Variants in FGD5 observed in about 807,000 individuals in gnomAD.
FGD5 encodes the protein FYVE, RhoGEF and PH domain-containing protein 5.
In FGD5, 28 loss-of-function variants were observed where a neutral mutation model predicts 133.4. The ratio of observed to expected loss-of-function variants is 0.21; its 90% CI spans 0.16 to 0.29. The LOEUF (loss-of-function observed/expected upper bound fraction) is 0.29, where lower values mean the gene tolerates loss of function less well. Ranked by LOEUF, FGD5 falls within the 10% of genes least tolerant of loss-of-function variation. FGD5 has a pLI of 1.00. For missense variants in FGD5, 1,858 were observed against 1,895.2 expected (o/e 0.98, Z 0.36); for synonymous variants, 810 against 776.5 (o/e 1.04, Z -0.72).
At chr3:14,894,505 CTTTTT>C (rs55912541) in intron 4 of FGD5, among the ~76,000 whole-genome samples, 1 of 127,220 alleles carries the variant, frequency 7.9e-6, no homozygotes, top group Non-Finnish European at 1.7e-5. Flanking sequence ...TTTGTTAGTT[CTTTTT>C]TTTTTTTTTT....
chr3:14,849,026 A>G (rs1162841859), intron 1 of FGD5, among the ~76,000 whole-genome samples: 1 of 152,210 alleles, frequency 6.6e-6, no homozygotes, highest in Non-Finnish European at 1.5e-5. Context: ...TGTTTGGAGT[A>G]GAGGAGGCAG....
chr3:14,896,205 T>C (rs2038134981), intron 4 of FGD5, among the ~76,000 whole-genome samples: 1 of 152,100 alleles, frequency 6.6e-6, no homozygotes, highest in Non-Finnish European at 1.5e-5. Flanking sequence ...AAAATGACAA[T>C]ACTACCCAAG....
At chr3:14,893,958 A>G (rs1300742213) in intron 4 of FGD5, among the ~76,000 whole-genome samples, 2 of 151,532 alleles carry the variant, frequency 1.3e-5, no homozygotes, top group Non-Finnish European at 2.9e-5. Context: ...GGGTTTCACC[A>G]TGTTGGTCTG....
chr3:14,918,922 A>G, intron 13 of FGD5, 89 bp downstream of exon 13: 1 of 1,403,104 alleles, frequency 7.1e-7, no homozygotes, highest in South Asian at 1.2e-5. Flanking sequence ...TGCTGTTTTT[A>G]TTTTGGTATC....
chr3:14,885,566 T>C (rs906904856), intron 4 of FGD5, among the ~76,000 whole-genome samples: 3 of 152,198 alleles, frequency 2.0e-5, no homozygotes, highest in African/African-American at 7.2e-5. Context: ...ATCAGGTGGT[T>C]GAGGCTGGCT....
chr3:14,873,515 G>A (rs575136141), intron 2 of FGD5, among the ~76,000 whole-genome samples: 1 of 152,242 alleles, frequency 6.6e-6, no homozygotes, highest in South Asian at 2.1e-4. Context: ...TGAAGTCATG[G>A]CTGGACCTTT....
intron 2 of FGD5, among the ~76,000 whole-genome samples, chr3:14,876,869 T>C (rs2037729469): frequency 6.6e-6 from 1 of 152,198 alleles, no homozygotes; most frequent in Non-Finnish European, 1.5e-5. Flanking sequence ...GATTCTTGAC[T>C]CTTTGTGTGA....
intron 7 of FGD5, 23 bp from the exon 8 acceptor site, chr3:14,900,380 C>T (rs1333052968): frequency 3.7e-6 from 6 of 1,611,598 alleles, no homozygotes; most frequent in Middle Eastern, 1.6e-4. Context: ...GTAGCTGACT[C>T]CTGGTTCTTA....
intron 7 of FGD5, 70 bp downstream of exon 7, chr3:14,898,896 G>A: frequency 7.2e-7 from 1 of 1,396,412 alleles, no homozygotes; most frequent in Non-Finnish European, 9.9e-7. Context: ...AGGGGTGGAG[G>A]GGACTGTGGT....
At chr3:14,900,128 T>C (rs1430024056) in intron 7 of FGD5, among the ~76,000 whole-genome samples, 1 of 152,170 alleles carries the variant, frequency 6.6e-6, no homozygotes, top group Non-Finnish European at 1.5e-5. Context: ...TGGATTCACC[T>C]TGTTGTGTCT....
intron 1 of FGD5, among the ~76,000 whole-genome samples, chr3:14,831,906 G>C (rs2036716364): frequency 6.6e-6 from 1 of 152,002 alleles, no homozygotes; most frequent in Non-Finnish European, 1.5e-5. Context: ...TCCAGCTGTG[G>C]CTGCAACACA....
At chr3:14,886,875 C>G (rs2037935098) in intron 4 of FGD5, among the ~76,000 whole-genome samples, 2 of 152,204 alleles carry the variant, frequency 1.3e-5, no homozygotes, top group Admixed American at 1.3e-4. Flanking sequence ...TTCTGCTAAT[C>G]CCATTGTGGT....
chr3:14,907,459 T>C (rs958679878), intron 9 of FGD5, among the ~76,000 whole-genome samples, 181 bp from the exon 10 acceptor site: 3 of 152,232 alleles, frequency 2.0e-5, no homozygotes, highest in Admixed American at 6.5e-5. Context: ...GCCATGGTGG[T>C]GGCTCCCTGC....
chr3:14,827,308 A>G (rs1329829750), intron 1 of FGD5, among the ~76,000 whole-genome samples: 3 of 95,784 alleles, frequency 3.1e-5, no homozygotes, highest in Admixed American at 1.4e-4. Flanking sequence ...TTTTTTTTTG[A>G]GACGGAGTCT....
intron 2 of FGD5, among the ~76,000 whole-genome samples, chr3:14,869,476 A>G (rs1475288666): frequency 2.0e-5 from 3 of 152,246 alleles, no homozygotes; most frequent in African/African-American, 7.2e-5. Flanking sequence ...ACCATTTTTA[A>G]GTGTGCAGTG....
chr3:14,824,711 A>G (rs1266144244), intron 1 of FGD5, among the ~76,000 whole-genome samples: 1 of 152,214 alleles, frequency 6.6e-6, no homozygotes, highest in East Asian at 1.9e-4. Flanking sequence ...ACTTTGACTC[A>G]TTACTTTTCT....
chr3:14,931,383 C>A (rs1457466724), intron 18 of FGD5: 1 of 152,160 alleles, frequency 6.6e-6, no homozygotes, highest in East Asian at 1.9e-4. Flanking sequence ...GGGATGAGGT[C>A]TCACTATGTT....
intron 4 of FGD5, among the ~76,000 whole-genome samples, chr3:14,882,598 T>A (rs1356545423): frequency 6.7e-6 from 1 of 150,166 alleles, no homozygotes. Context: ...CTCAGGAGGC[T>A]AAGAGAGGAG....
At position 14,924,871 on chromosome 3, in the gene FGD5, G is replaced by A. The variant is rs1285050612; in HGVS notation, c.4068+733G>A. On this transcript the variant is annotated intron_variant, in intron 17 of 19. Transcript: ENST00000285046. Reference sequence around the variant, plus strand: ...AATCCCAGCACTTTGGGAGGCTGAGGTGGGCAGATCACGAGGTCGGGAGAT... The same window carrying A: ...AATCCCAGCACTTTGGGAGGCTGAGATGGGCAGATCACGAGGTCGGGAGAT... Among the ~76,000 whole-genome samples the A allele has an allele frequency of 2.0e-5, 3 of 152,142 alleles. No homozygotes were observed. The East Asian group carries it at 5.8e-4, about 29-fold the overall frequency.
Sources: allele counts gnomAD v4.1 joint callset (sites outside exome capture counted in the v4.1 genomes callset), GRCh38; gene constraint gnomAD v4.1.1; transcripts MANE v1.5; gene names NCBI Gene and HGNC (gene_info 2026-07-23, HGNC 2026-07-21).